DMD: variants seen among roughly 807,000 people sequenced by gnomAD.
DMD encodes the protein mutant dystrophin.
In DMD, 63 loss-of-function variants were observed where a neutral mutation model predicts 330.1. The observed-to-expected ratio is 0.19, with a 90% CI of 0.16 to 0.24. The LOEUF (loss-of-function observed/expected upper bound fraction) is 0.24, where lower values mean the gene tolerates loss of function less well. Ranked by LOEUF, DMD falls within the 10% of genes least tolerant of loss-of-function variation. The pLI is 1.00. For synonymous variants in DMD, 1,223 were observed against 959.8 expected, an observed-to-expected ratio of 1.27 and a Z score of -5.07; for missense variants, 3,344 against 2,684.1, an observed-to-expected ratio of 1.25 and a Z score of -5.43.
chrX:32,787,883 A>G (rs1180965844), intron 7 of DMD, among the ~76,000 whole-genome samples: 1 of 111,428 alleles, frequency 9.0e-6, no homozygotes, highest in African/African-American at 3.3e-5. Flanking sequence ...GTATAAAGGG[A>G]CCATTTAATT....
intron 53 of DMD, among the ~76,000 whole-genome samples, chrX:31,672,618 A>G (rs753221179): frequency 3.6e-5 from 4 of 111,755 alleles, no homozygotes; most frequent in African/African-American, 6.5e-5. Flanking sequence ...GGATTATCCC[A>G]TTTACCTATT....
intron 60 of DMD, among the ~76,000 whole-genome samples, chrX:31,372,364 G>A (rs935253561): frequency 8.9e-6 from 1 of 111,973 alleles, no homozygotes; most frequent in Non-Finnish European, 1.9e-5. Context: ...AAAATGGTTG[G>A]TGTCAGCGGG....
At chrX:31,755,325 T>C (rs1195007114) in intron 51 of DMD, among the ~76,000 whole-genome samples, 1 of 112,240 alleles carries the variant, frequency 8.9e-6, no homozygotes, top group Non-Finnish European at 1.9e-5. Flanking sequence ...TTCTTTGGAA[T>C]GGTGCCCAAG....
At chrX:31,370,894 G>C (rs1003146740) in intron 60 of DMD, among the ~76,000 whole-genome samples, 1 of 111,870 alleles carries the variant, frequency 8.9e-6, no homozygotes, top group Admixed American at 9.5e-5. Context: ...AATCTCTAGG[G>C]AATTATGTTG....
chrX:33,235,351 G>A (rs2052457818), intron 1 of DMD, among the ~76,000 whole-genome samples: 1 of 111,663 alleles, frequency 9.0e-6, no homozygotes, highest in African/African-American at 3.3e-5. Flanking sequence ...AGGAAACATT[G>A]ATCATTTACT....
chrX:32,165,074 C>T (rs1384042857), intron 44 of DMD, among the ~76,000 whole-genome samples: 4 of 112,353 alleles, frequency 3.6e-5, no homozygotes, highest in African/African-American at 1.3e-4. Flanking sequence ...TCATGGAGAA[C>T]CTCGGCTAGG....
chrX:32,722,202 G>A (rs1016689358), intron 7 of DMD, among the ~76,000 whole-genome samples: 1 of 109,014 alleles, frequency 9.2e-6, no homozygotes, highest in Non-Finnish European at 1.9e-5. Flanking sequence ...ATTTTCACAG[G>A]GATTACATTA....
chrX:32,731,058 C>T (rs1008085433), intron 7 of DMD, among the ~76,000 whole-genome samples: 3 of 111,298 alleles, frequency 2.7e-5, no homozygotes, highest in African/African-American at 6.6e-5. Flanking sequence ...GTGCGTGCAC[C>T]GTGCGCGACC....
chrX:32,993,741 T>C (rs1243216497), intron 2 of DMD, among the ~76,000 whole-genome samples: 1 of 111,291 alleles, frequency 9.0e-6, no homozygotes, highest in African/African-American at 3.3e-5. Flanking sequence ...TACTGGATCA[T>C]CAAGAGTGCT....
chrX:31,484,779 G>A (rs898507363), intron 57 of DMD, among the ~76,000 whole-genome samples: 10 of 112,026 alleles, frequency 8.9e-5, no homozygotes, highest in African/African-American at 3.2e-4. Flanking sequence ...GTGACTGATT[G>A]TTGACTCACT....
chrX:32,669,253 C>A (rs2061491956), intron 9 of DMD, among the ~76,000 whole-genome samples: 1 of 111,330 alleles, frequency 9.0e-6, no homozygotes, highest in African/African-American at 3.3e-5. Context: ...CTTAAAAATC[C>A]CTCTCACAGC....
chrX:32,737,621 C>G (rs973972956), intron 7 of DMD, among the ~76,000 whole-genome samples: 1 of 111,898 alleles, frequency 8.9e-6, no homozygotes, highest in African/African-American at 3.2e-5. Context: ...AAACATGTAT[C>G]TGTGGCAGAA....
chrX:32,345,040 T>C lies in DMD; in HGVS notation c.5586+903A>G, dbSNP rs1164220460. Among the ~76,000 whole-genome samples, 4 of 111,136 alleles carry C rather than the reference T, an allele frequency of 3.6e-5. No individual in the cohort carries two copies. In the East Asian group the frequency reaches 1.1e-3, roughly 31 times the overall value. On this transcript the variant is annotated intron_variant, in intron 39 of 78. Coordinates refer to ENST00000357033, the MANE Select transcript of DMD (RefSeq NM_004006.3). The stretch of plus-strand genomic sequence containing the variant: ...TCAGCAGTGTTTATTTGGTTGACTA[T>C]AGGGGGAAAGGTTTTATTCTCTTAT...
At chrX:31,665,095 C>T (rs1476806413) in intron 53 of DMD, among the ~76,000 whole-genome samples, 5 of 111,543 alleles carry the variant, frequency 4.5e-5, no homozygotes, top group African/African-American at 1.6e-4. Context: ...GTGAAAGAGT[C>T]ATCATAAAAA....
At chrX:32,229,060 A>T (rs1019287193) in intron 43 of DMD, among the ~76,000 whole-genome samples, 1 of 74,411 alleles carries the variant, frequency 1.3e-5, no homozygotes, top group African/African-American at 5.2e-5. Flanking sequence ...ATAGCTGAAT[A>T]AGGATAGCTT....
chrX:32,477,888 G>A (rs1452528285), intron 21 of DMD, among the ~76,000 whole-genome samples: 1 of 111,390 alleles, frequency 9.0e-6, no homozygotes, highest in African/African-American at 3.3e-5. Context: ...TGGCCAGTTT[G>A]AGTTGAGATG....
intron 1 of DMD, among the ~76,000 whole-genome samples, chrX:33,048,209 T>C (rs5972741): frequency 0.062 from 6,908 of 111,693 alleles, 497 homozygotes; most frequent in African/African-American, 0.21. Context: ...TTGTTGATTG[T>C]TCAGGCAAAC....
At chrX:32,979,187 TAAAGTTGGCTTTGCCA>T (rs942081716) in intron 2 of DMD, among the ~76,000 whole-genome samples, 7 of 112,416 alleles carry the variant, frequency 6.2e-5, no homozygotes, top group Non-Finnish European at 9.4e-5. Flanking sequence ...CTCATTTCAG[TAAAGTTGGCTTTGCCA>T]AAATAAAGAA....
chrX:32,163,117 T>C (rs1021908675), intron 44 of DMD, among the ~76,000 whole-genome samples: 9 of 111,560 alleles, frequency 8.1e-5, no homozygotes, highest in East Asian at 2.9e-4. Context: ...TTGATCCTTC[T>C]ACCATTTTCT....
Sources: allele counts gnomAD v4.1 joint callset (sites outside exome capture counted in the v4.1 genomes callset), GRCh38; gene constraint gnomAD v4.1.1; transcripts MANE v1.5; gene names NCBI Gene and HGNC (gene_info 2026-07-23, HGNC 2026-07-21).